Variants in NRXN3 observed in about 807,000 individuals in gnomAD.
NRXN3 encodes neurexin 3, also known as neurexin III.
NRXN3 carries 32 observed loss-of-function variants against 137.6 expected under a neutral mutation model. The ratio of observed to expected loss-of-function variants is 0.23; its 90% CI spans 0.18 to 0.31. NRXN3 has a LOEUF of 0.31. NRXN3 is among the 10% of genes least tolerant of loss of function. NRXN3 has a pLI of 1.00. For synonymous variants in NRXN3, 798 were observed against 784.5 expected (o/e 1.02, Z -0.29); for missense variants, 1,574 against 2,062.5 (o/e 0.76, Z 4.59).
intron 15 of NRXN3, among the ~76,000 whole-genome samples, chr14:79,157,605 G>C (rs1348137282): frequency 1.3e-5 from 2 of 151,754 alleles, no homozygotes; most frequent in East Asian, 3.9e-4. Flanking sequence ...CTGTCTAAGG[G>C]AATAGTTGCC....
chr14:79,639,593 AAGG>A (rs1032364791), intron 16 of NRXN3, among the ~76,000 whole-genome samples: 38 of 152,346 alleles, frequency 2.5e-4, no homozygotes, highest in African/African-American at 8.9e-4. Context: ...AAGTGCAGGA[AAGG>A]AGAACACACA....
chr14:79,021,975 C>T (rs1595023808), intron 15 of NRXN3, among the ~76,000 whole-genome samples: 1 of 152,154 alleles, frequency 6.6e-6, no homozygotes, highest in African/African-American at 2.4e-5. Context: ...TGGTGCATGA[C>T]CTGCAGCTGT....
chr14:78,722,520 A>G (rs2098464705), intron 8 of NRXN3, among the ~76,000 whole-genome samples: 1 of 152,210 alleles, frequency 6.6e-6, no homozygotes, highest in Non-Finnish European at 1.5e-5. Flanking sequence ...TCACAGAGAG[A>G]TGAATCCTTC....
chr14:79,067,436 T>A (rs1231651491), intron 15 of NRXN3, among the ~76,000 whole-genome samples: 1 of 152,130 alleles, frequency 6.6e-6, no homozygotes, highest in Non-Finnish European at 1.5e-5. Context: ...CTTTTTTTGT[T>A]GTGTCTCTGC....
chr14:79,189,583 C>T (rs1396949743), intron 15 of NRXN3, among the ~76,000 whole-genome samples: 1 of 152,018 alleles, frequency 6.6e-6, no homozygotes, highest in African/African-American at 2.4e-5. Flanking sequence ...TCCTCCCTGC[C>T]CCTTTCACTG....
intron 4 of NRXN3, among the ~76,000 whole-genome samples, chr14:78,314,697 C>T (rs1218106523): frequency 3.3e-5 from 5 of 152,102 alleles, no homozygotes; most frequent in Non-Finnish European, 5.9e-5. Flanking sequence ...ACAGTCTCTG[C>T]CCCAGTGGAT....
chr14:78,370,296 C>T (rs576147405), intron 4 of NRXN3, among the ~76,000 whole-genome samples: 2 of 133,214 alleles, frequency 1.5e-5, no homozygotes, highest in East Asian at 4.5e-4. Flanking sequence ...CAGAATTTCC[C>T]AATTTTACTG....
rs867723015 is a variant in NRXN3 at position 79,086,383 on chromosome 14, T to G, written c.3262+98242T>G. On this transcript the variant is annotated intron_variant, in intron 15 of 20. Transcript: ENST00000335750. The stretch of plus-strand genomic sequence containing the variant: ...CCATCCCTCGCTTTAACTTGGGATC[T>G]TAAGCTTCCCTTGTAATTTCTTGAG... Among the ~76,000 whole-genome samples the G allele has an allele frequency of 4.6e-5, 7 of 152,258 alleles. No individual in the cohort carries two copies. In the South Asian group the frequency reaches 8.3e-4, roughly 18 times the overall value.
chr14:78,336,432 G>A (rs764869611), intron 4 of NRXN3, among the ~76,000 whole-genome samples: 3 of 152,110 alleles, frequency 2.0e-5, no homozygotes, highest in African/African-American at 4.8e-5. Context: ...AGTGTGTACC[G>A]AGCATCTGCT....
chr14:78,226,370 G>A (rs909850521), intron 1 of NRXN3, among the ~76,000 whole-genome samples: 2 of 152,162 alleles, frequency 1.3e-5, no homozygotes, highest in African/African-American at 4.8e-5. Context: ...TGAATGAAAT[G>A]GAGGTTGTGA....
At chr14:79,340,589 C>G (rs2092554839) in intron 15 of NRXN3, among the ~76,000 whole-genome samples, 1 of 152,156 alleles carries the variant, frequency 6.6e-6, no homozygotes, top group Admixed American at 6.5e-5. Flanking sequence ...CCTCAGCCTC[C>G]TGAGTAGCTG....
intron 19 of NRXN3, among the ~76,000 whole-genome samples, chr14:79,740,715 TATATATATA>T (rs1568073487): frequency 4.0e-4 from 3 of 7,540 alleles, no homozygotes; most frequent in East Asian, 7.1e-3. Flanking sequence ...TAGTTTTTTA[TATATATATA>T]TATATATATA....
chr14:79,820,900 G>C (rs963518499), intron 20 of NRXN3, among the ~76,000 whole-genome samples: 2 of 152,102 alleles, frequency 1.3e-5, no homozygotes, highest in Admixed American at 6.5e-5. Flanking sequence ...GTTAACTTTG[G>C]GTGGCCAGGG....
chr14:79,629,094 T>C lies in NRXN3; in HGVS notation c.3445-34684T>C, dbSNP rs1240216934. ...TGAGAAGCAATAGAAATCCAGAGCA[T>C]TTAAAGGTGATGATTAATTAGTATA... On this transcript the variant is annotated intron_variant, in intron 16 of 20. Transcript: ENST00000335750. Among the ~76,000 whole-genome samples the C allele has an allele frequency of 2.6e-5, 4 of 152,330 alleles. No homozygotes were observed. In the South Asian group the frequency reaches 6.2e-4, roughly 24 times the overall value.
At chr14:78,648,054 T>C (rs2097704206) in intron 5 of NRXN3, among the ~76,000 whole-genome samples, 1 of 152,218 alleles carries the variant, frequency 6.6e-6, no homozygotes, top group Admixed American at 6.5e-5. Flanking sequence ...TCTTCCTTCA[T>C]GATCATCTAT....
At chr14:78,781,237 T>C (rs2153028457) in intron 8 of NRXN3, among the ~76,000 whole-genome samples, 1 of 152,300 alleles carries the variant, frequency 6.6e-6, no homozygotes, top group African/African-American at 2.4e-5. Context: ...ATGTGTAGTT[T>C]CATATATATT....
chr14:79,779,991 A>G (rs550429178), intron 19 of NRXN3, among the ~76,000 whole-genome samples: 148 of 152,112 alleles, frequency 9.7e-4, no homozygotes, highest in African/African-American at 3.5e-3. Flanking sequence ...CAGCCTCCCA[A>G]AGTTCTGGGA....
At chr14:79,067,950 T>C (rs1026396129) in intron 15 of NRXN3, among the ~76,000 whole-genome samples, 1 of 152,014 alleles carries the variant, frequency 6.6e-6, no homozygotes, top group African/African-American at 2.4e-5. Flanking sequence ...AAGAGGATTA[T>C]GAGAACAGAC....
chr14:78,942,499 G>C (rs2099355016), intron 10 of NRXN3, among the ~76,000 whole-genome samples: 1 of 152,144 alleles, frequency 6.6e-6, no homozygotes, highest in African/African-American at 2.4e-5. Flanking sequence ...GTAGGGTTGG[G>C]ACCTAAAAAT....
Sources: allele counts gnomAD v4.1 joint callset (sites outside exome capture counted in the v4.1 genomes callset), GRCh38; gene constraint gnomAD v4.1.1; transcripts MANE v1.5; gene names NCBI Gene and HGNC (gene_info 2026-07-23, HGNC 2026-07-21).